Variants in CSNK1G3 observed in about 807,000 individuals in gnomAD.
CSNK1G3 encodes casein kinase I isoform gamma-3.
CSNK1G3 carries 23 observed loss-of-function variants against 64.3 expected under a neutral mutation model. The observed-to-expected ratio is 0.36, with a 90% CI of 0.26 to 0.51. CSNK1G3 has a LOEUF of 0.51. Among genes scored for constraint, CSNK1G3 ranks in the 20% least tolerant of loss-of-function variants. The pLI is 0.96. For missense variants in CSNK1G3, 357 were observed against 510.5 expected (o/e 0.70, Z 2.90); for synonymous variants, 158 against 162.2 (o/e 0.97, Z 0.20).
chr5:123,571,711 G>C (rs576652838), intron 4 of CSNK1G3, among the ~76,000 whole-genome samples: 2 of 151,844 alleles, frequency 1.3e-5, no homozygotes, highest in Non-Finnish European at 2.9e-5. Context: ...TTTAAAAAAC[G>C]TTTTATTAAA....
chr5:123,519,732 G>C (rs1364491028), intron 1 of CSNK1G3, among the ~76,000 whole-genome samples: 1 of 152,152 alleles, frequency 6.6e-6, no homozygotes, highest in Non-Finnish European at 1.5e-5. Context: ...GAGTTGGTAA[G>C]GGGTTGGGGA....
intron 1 of CSNK1G3, among the ~76,000 whole-genome samples, chr5:123,533,008 A>C (rs900634410): frequency 1.3e-4 from 20 of 151,874 alleles, no homozygotes; most frequent in African/African-American, 4.3e-4. Flanking sequence ...ATTATCTTTT[A>C]ATTCTCCACT....
chr5:123,519,101 T>C (rs1012198012), intron 1 of CSNK1G3, among the ~76,000 whole-genome samples: 1 of 152,120 alleles, frequency 6.6e-6, no homozygotes, highest in Non-Finnish European at 1.5e-5. Flanking sequence ...TTTCCCAGGC[T>C]GGAGTGCCAT....
At chr5:123,513,187 A>G (rs1052100285) in intron 1 of CSNK1G3, among the ~76,000 whole-genome samples, 6 of 152,128 alleles carry the variant, frequency 3.9e-5, no homozygotes, top group Non-Finnish European at 7.4e-5. Context: ...GGTTAGCAAA[A>G]TCACTCTGAT....
intron 4 of CSNK1G3, among the ~76,000 whole-genome samples, chr5:123,558,198 TA>T (rs1267527383): frequency 6.6e-6 from 1 of 152,128 alleles, no homozygotes; most frequent in Non-Finnish European, 1.5e-5. Flanking sequence ...TCCATAACTG[TA>T]AAAAAATAAA....
At position 123,575,978 on chromosome 5, in the gene CSNK1G3, C is replaced by T. The variant is rs781316046; in HGVS notation, c.673+15C>T. 22 of 1,529,024 alleles carry T rather than the reference C, an allele frequency of 1.4e-5. No homozygotes were observed. Among genetic ancestry groups the T allele is most frequent in the Middle Eastern group, 1.7e-4 (1 of 5,836 alleles). 94.7% of individuals were successfully genotyped at this position (1,529,024 alleles called of 1,614,324 possible). On this transcript the variant is annotated intron_variant, in intron 6 of 12. Coordinates refer to ENST00000345990, the Ensembl canonical transcript of CSNK1G3. ...TTTAGGAAAAGGTATGTGTACCTTT[C>T]GTAAGTATGGAAGTTTGAACTTAGC...
intron 4 of CSNK1G3, among the ~76,000 whole-genome samples, chr5:123,571,845 C>T (rs1260533682): frequency 6.6e-6 from 1 of 151,872 alleles, no homozygotes; most frequent in African/African-American, 2.4e-5. Flanking sequence ...TAGATAAATG[C>T]AGTGTTAAGT....
chr5:123,541,471 C>T (rs1429617014), intron 1 of CSNK1G3, among the ~76,000 whole-genome samples: 1 of 152,146 alleles, frequency 6.6e-6, no homozygotes, highest in Non-Finnish European at 1.5e-5. Flanking sequence ...TTCTGCTGCC[C>T]AGGCTGGAGT....
At chr5:123,575,482 A>T (rs1437472754) in intron 5 of CSNK1G3, among the ~76,000 whole-genome samples, 1 of 152,224 alleles carries the variant, frequency 6.6e-6, no homozygotes, top group Non-Finnish European at 1.5e-5. Flanking sequence ...AGGCTTGCTG[A>T]TATGAAAGGA....
intron 1 of CSNK1G3, among the ~76,000 whole-genome samples, chr5:123,544,460 T>C (rs1176129018): frequency 6.6e-6 from 1 of 152,228 alleles, no homozygotes; most frequent in Non-Finnish European, 1.5e-5. Context: ...ATTATATAAT[T>C]AGAAAATTTT....
At chr5:123,520,277 C>G (rs1777876135) in intron 1 of CSNK1G3, among the ~76,000 whole-genome samples, 1 of 152,012 alleles carries the variant, frequency 6.6e-6, no homozygotes, top group African/African-American at 2.4e-5. Context: ...TACATGTATA[C>G]ATAGATACAT....
intron 3 of CSNK1G3, among the ~76,000 whole-genome samples, chr5:123,556,559 CA>C (rs1235179402): frequency 6.6e-6 from 1 of 151,922 alleles, no homozygotes; most frequent in Non-Finnish European, 1.5e-5. Flanking sequence ...AATCTGCTGG[CA>C]AAATGAGTTT....
intron 2 of CSNK1G3, among the ~76,000 whole-genome samples, chr5:123,552,764 T>C (rs746762441): frequency 2.6e-5 from 4 of 152,184 alleles, no homozygotes; most frequent in Non-Finnish European, 5.9e-5. Context: ...TATTCTTATA[T>C]AGGAGTTCTC....
chr5:123,581,258 A>G (rs1483797202), intron 6 of CSNK1G3, among the ~76,000 whole-genome samples: 1 of 151,272 alleles, frequency 6.6e-6, no homozygotes, highest in African/African-American at 2.4e-5. Flanking sequence ...AATATTCTCA[A>G]GATCAGTTGG....
chr5:123,589,699 A>T (rs6862060), intron 8 of CSNK1G3, among the ~76,000 whole-genome samples: 6 of 151,834 alleles, frequency 4.0e-5, no homozygotes, highest in African/African-American at 1.5e-4. Flanking sequence ...ATATTTATAT[A>T]TTTGTTTGTC....
chr5:123,553,813 G>A (rs529448409), intron 3 of CSNK1G3, among the ~76,000 whole-genome samples: 196 of 152,296 alleles, frequency 1.3e-3, no homozygotes, highest in Non-Finnish European at 2.2e-3. Context: ...TTGCAGCCAG[G>A]TTTCCCTGTT....
At chr5:123,569,412 A>T (rs1787623763) in intron 4 of CSNK1G3, among the ~76,000 whole-genome samples, 1 of 152,222 alleles carries the variant, frequency 6.6e-6, no homozygotes, top group Admixed American at 6.5e-5. Context: ...AATCATACCA[A>T]AAAACTTTTT....
chr5:123,557,572 CTTATA>C lies in CSNK1G3; in HGVS notation c.289+12_289+16del. Reference sequence around the variant, plus strand: ...AGCAGTTAGGATCTGGAGGTAAAGTCTTATATTAATTTTTAAATTTGAAATAAAGT... The same window carrying C: ...AGCAGTTAGGATCTGGAGGTAAAGTCTTAATTTTTAAATTTGAAATAAAGT... On this transcript the variant is annotated intron_variant, in intron 4 of 12. Coordinates refer to ENST00000345990, the Ensembl canonical transcript of CSNK1G3. 6.5e-7 allele frequency: 1 copy of C among 1,536,938 alleles called. No individual in the cohort carries two copies.
intron 11 of CSNK1G3, among the ~76,000 whole-genome samples, 153 bp downstream of exon 12, chr5:123,604,983 A>G (rs111251660): frequency 9.9e-5 from 15 of 152,252 alleles, no homozygotes; most frequent in African/African-American, 3.4e-4. Context: ...AATCACTAGA[A>G]TGAGTTTAAA....
Sources: gnomAD v4.1 joint callset for allele counts (sites outside exome capture counted in the v4.1 genomes callset) on GRCh38, gnomAD v4.1.1 for gene constraint, MANE v1.5 for transcripts, NCBI Gene and HGNC (gene_info 2026-07-23, HGNC 2026-07-21) for gene names.